Variants in UNC5CL observed in about 807,000 individuals in gnomAD.
UNC5CL encodes the protein unc-5 family C-terminal like.
In UNC5CL, 42 loss-of-function variants were observed where a neutral mutation model predicts 54.1. The observed-to-expected ratio is 0.78, with a 90% CI of 0.61 to 1.00. UNC5CL has a LOEUF of 1.00. UNC5CL is among the 50% of genes least tolerant of loss of function. The pLI is 0.00. For synonymous variants in UNC5CL, 285 were observed against 285.1 expected (o/e 1.00, Z 0.00); for missense variants, 619 against 675.6 (o/e 0.92, Z 0.93).
rs1762431847 is a variant in UNC5CL, at chr6:41,029,798, T to C, written c.1334+590A>G. ...TTGCAGTGAGCCAAGATTGCGCCATTGCACTCCAGCCTGGGCGACAGAGCA... is the reference window on the plus strand; with the variant it reads ...TTGCAGTGAGCCAAGATTGCGCCATCGCACTCCAGCCTGGGCGACAGAGCA... On this transcript the variant is annotated intron_variant, in intron 8 of 8. Transcript: ENST00000244565. The surrounding 1 kb of genome is among the most constrained non-coding windows in gnomAD (Gnocchi z 4.1). Among the ~76,000 whole-genome samples, 1 of 152,154 alleles carries C rather than the reference T, an allele frequency of 6.6e-6. No homozygotes were observed. Among genetic ancestry groups the C allele is most frequent in the Non-Finnish European group, 1.5e-5 (1 of 68,022 alleles).
Position 41,034,782 on chromosome 6 carries a change from T to C in UNC5CL, c.293A>G (p.His98Arg). Residue 98 changes from histidine to arginine, a missense_variant, in exon 2 of 9, where the codon CAC (histidine) becomes CGC (arginine). Physicochemically the swap from His to Arg is conservative, Grantham distance 29. Transcript: ENST00000244565. ...QGQTMVRQLMHKLLVFSAREV... is the reference protein window; with the variant it reads ...QGQTMVRQLMRKLLVFSAREV... ...TCGAGCCGAAAACACCAACAGTTTGTGCATCAACTGGCGGACCATGGTCTG... is the reference window on the plus strand; with the variant it reads ...TCGAGCCGAAAACACCAACAGTTTGCGCATCAACTGGCGGACCATGGTCTG... 1 of 1,614,148 alleles carries C rather than the reference T, an allele frequency of 6.2e-7. No individual in the cohort carries two copies. The highest frequency in any genetic ancestry group is 8.5e-7 in the Non-Finnish European group (1 of 1,180,034).
rs77622983 is a variant in UNC5CL at position 41,033,911 on chromosome 6, T to C, written c.656A>G (p.Asp219Gly). The change falls in exon 3 of 9, where the codon GAT becomes GGT. Residue 219 changes from aspartate (D) to glycine (G), a missense_variant. Coordinates refer to ENST00000244565, the MANE Select transcript of UNC5CL (RefSeq NM_173561.3). ...GTGGGAGAGGTGGATGCGACACTCATCCCGGGAGGCGTGGGCCCCCGGCCG... is the reference window on the plus strand; with the variant it reads ...GTGGGAGAGGTGGATGCGACACTCACCCCGGGAGGCGTGGGCCCCCGGCCG... Reference protein sequence around the residue: ...LGRPGAHASRDECRIHLSHFS... With the variant: ...LGRPGAHASRGECRIHLSHFS... The C allele has an allele frequency of 6.2e-7, 1 of 1,613,722 alleles. No individual in the cohort carries two copies. Among genetic ancestry groups the C allele is most frequent in the Non-Finnish European group, 8.5e-7 (1 of 1,179,840 alleles).
At position 41,028,267 on chromosome 6, in the gene UNC5CL, G is replaced by A. The variant is rs1762411344; in HGVS notation, c.*106C>T. ...GGCCCTGGCACCGTCCGAGGGTTCT[G>A]GGAAGGGTGGTGGGCACAGCCAGGA... is the stretch of plus-strand genomic sequence containing the variant. On this transcript the variant is annotated 3_prime_UTR_variant, in exon 9 of 9. Transcript: ENST00000244565. The surrounding 1 kb of genome is among the most constrained non-coding windows in gnomAD (Gnocchi z 4.3). 5 of 1,229,376 alleles carry A rather than the reference G, an allele frequency of 4.1e-6. 1 individual carries two copies. The highest frequency in any genetic ancestry group is 3.1e-5 in the South Asian group (2 of 64,274). The allele number at this position is 1,229,376 out of a possible 1,614,324, so 76.2% of individuals were successfully genotyped here. A position where few individuals can be genotyped will look rare whatever the true frequency, so the allele number is the denominator to read the frequency against.
Position 41,034,707 on chromosome 6 carries a change from G to A in UNC5CL, c.368C>T (p.Ser123Phe), listed in dbSNP as rs1449503550. Residue 123 changes from serine to phenylalanine, a missense_variant, in exon 2 of 9, where the codon TCC becomes TTC. Ser to Phe is a radical substitution (Grantham distance 155, BLOSUM62 -2). Coordinates refer to ENST00000244565, the MANE Select transcript of UNC5CL (RefSeq NM_173561.3). Reference sequence around the variant, plus strand: ...GCTGTTACCTGGTGGGATGAGCAAGGAGATGCCTGTATCCTGGAGCATCAG... The same window carrying A: ...GCTGTTACCTGGTGGGATGAGCAAGAAGATGCCTGTATCCTGGAGCATCAG... ...GCLMLQDTGI[S>F]LLIPPGAVAV... The A allele has an allele frequency of 6.2e-7, 1 of 1,603,660 alleles. No individual in the cohort carries two copies. Among genetic ancestry groups the A allele is most frequent in the African/African-American group, 1.3e-5 (1 of 74,916 alleles).
chr6:41,033,496 G>A (rs1762480922), intron 3 of UNC5CL: 1 of 489,618 alleles, frequency 2.0e-6, no homozygotes, highest in African/African-American at 1.9e-5. Flanking sequence ...AGAGAAGAAG[G>A]ACAGAGATGG....
Position 41,033,064 on chromosome 6 carries a change from C to A in UNC5CL, c.769G>T (p.Val257Leu), listed in dbSNP as rs776456386. Residue 257 changes from valine (V) to leucine (L), a missense_variant, in exon 4 of 9, where the codon GTG becomes TTG. By Grantham distance (32) the Val-to-Leu change is conservative. Transcript: ENST00000244565. ...LQLAVFCSPLVPGQSHLQLRI... is the reference protein window; with the variant it reads ...LQLAVFCSPLLPGQSHLQLRI... Reference sequence around the variant, plus strand: ...AGTTGCAGATGGGACTGTCCTGGCACCAGCGGTGAGCAGAATACGGCCAGC... The same window carrying A: ...AGTTGCAGATGGGACTGTCCTGGCAACAGCGGTGAGCAGAATACGGCCAGC... 2 of 1,613,136 alleles carry A rather than the reference C, an allele frequency of 1.2e-6. No homozygotes were observed. Among genetic ancestry groups the A allele is most frequent in the Non-Finnish European group, 1.7e-6 (2 of 1,179,608 alleles).
Position 41,039,169 on chromosome 6 carries a change from G to A in UNC5CL, c.-69C>T, listed in dbSNP as rs1048472097. 2 of 152,240 alleles carry A rather than the reference G, an allele frequency of 1.3e-5. No homozygotes were observed. The highest frequency in any genetic ancestry group is 2.9e-5 in the Non-Finnish European group (2 of 68,086). 9.4% of individuals were successfully genotyped at this position (152,240 alleles called of 1,614,324 possible). On this transcript the variant is annotated 5_prime_UTR_variant, in exon 1 of 9. Transcript: ENST00000244565. ...AGGGGGTGCTCAACTTACCGTCTAG[G>A]AGCTCTTAGAGGCTGCTGGCTGGTC...
At chr6:41,030,530 A>G in intron 7 of UNC5CL, 29 bp from the exon 8 acceptor site, 2 of 1,613,612 alleles carry the variant, frequency 1.2e-6, no homozygotes, top group Non-Finnish European at 1.7e-6. Context: ...TGTTCTTGGA[A>G]GAAAGGGACA....
rs1164548790 is a variant in UNC5CL, at chr6:41,032,201, G to A, written c.950-64C>T. On this transcript the variant is annotated intron_variant, in intron 4 of 8. Transcript: ENST00000244565. Reference sequence around the variant, plus strand: ...GGGCCTTAAACAAGTATTGAAGGGGGCTGTGGGGAGGCATGAGGACAGAAC... The same window carrying A: ...GGGCCTTAAACAAGTATTGAAGGGGACTGTGGGGAGGCATGAGGACAGAAC... 4 of 1,347,998 alleles carry A rather than the reference G, an allele frequency of 3.0e-6. No individual in the cohort carries two copies. In the South Asian group the frequency reaches 4.8e-5, roughly 16 times the overall value. 83.5% of individuals were successfully genotyped at this position (1,347,998 alleles called of 1,614,324 possible). A position where few individuals can be genotyped will look rare whatever the true frequency, so the allele number is the denominator to read the frequency against.
In UNC5CL at chr6:41,030,388, C is replaced by G; in HGVS notation, c.1334G>C (p.Arg445Pro). 1.2e-6 allele frequency: 2 copies of G among 1,613,974 alleles called. No homozygotes were observed. The highest frequency in any genetic ancestry group is 1.7e-6 in the Non-Finnish European group (2 of 1,179,884). ...SHLGLCGMKI[R>P]FLSCQRSPAA... ...CCACAGACCTCACCCCTCTTCCTAC[C>G]GGATCTTCATGCCGCAAAGCCCCAG... The change falls in exon 8 of 9, where the codon CGG becomes CCG. Residue 445 changes from arginine (R) to proline (P), a missense_variant and splice_region_variant. Arg to Pro is a moderately radical substitution (Grantham distance 103, BLOSUM62 -2). Transcript: ENST00000244565.
At chr6:41,032,323 C>T (rs748510639) in intron 4 of UNC5CL, among the ~76,000 whole-genome samples, 186 bp from the exon 5 acceptor site, 15 of 152,230 alleles carry the variant, frequency 9.9e-5, no homozygotes, top group African/African-American at 3.6e-4. Flanking sequence ...TCCTTTCCTG[C>T]TTCTGTGGGG....
Position 41,028,675 on chromosome 6 carries a change from G to A in UNC5CL, c.1335-80C>T. The stretch of plus-strand genomic sequence containing the variant: ...CCCTGCTGCAGGCTCCCTGGGCTGC[G>A]CAGCGCAAGGTCCGTCCCTTCCCCA... On this transcript the variant is annotated intron_variant, in intron 8 of 8. Coordinates refer to ENST00000244565, the MANE Select transcript of UNC5CL (RefSeq NM_173561.3). The surrounding 1 kb of genome is among the most constrained non-coding windows in gnomAD (Gnocchi z 4.3). 2 of 1,369,858 alleles carry A rather than the reference G, an allele frequency of 1.5e-6. No individual in the cohort carries two copies. Among genetic ancestry groups the A allele is most frequent in the South Asian group, 1.3e-5 (1 of 78,462 alleles). The allele number at this position is 1,369,858 out of a possible 1,614,324, so 84.9% of individuals were successfully genotyped here. A position where few individuals can be genotyped will look rare whatever the true frequency, so the allele number is the denominator to read the frequency against.
Position 41,030,690 on chromosome 6 carries a change from C to T in UNC5CL, c.1185G>A (p.Ala395=), listed in dbSNP as rs778107118. 1.1e-5 allele frequency: 18 copies of T among 1,614,054 alleles called. No individual in the cohort carries two copies. The highest frequency in any genetic ancestry group is 1.7e-4 in the Middle Eastern group (1 of 6,050). Residue 395 remains alanine (A), a synonymous_variant, in exon 7 of 9, where the codon GCG becomes GCA. Transcript: ENST00000244565. ...FQASEEESWA[A]PPPVSQPPPC... ...GGGGCGGCTGGGAAACAGGTGGTGG[C>T]GCTGCCCAGGATTCCTCCTCTGATG... is the stretch of plus-strand genomic sequence containing the variant.
chr6:41,027,494 G>C lies in UNC5CL; in HGVS notation c.*879C>G, dbSNP rs534644323. On this transcript the variant is annotated 3_prime_UTR_variant, in exon 9 of 9. Transcript: ENST00000244565. The stretch of plus-strand genomic sequence containing the variant: ...CCATTGGAGATAAAGAGATAAAAGG[G>C]CTGGGCCAGAATGATCATCTTGAAG... 14 of 152,362 alleles carry C rather than the reference G, an allele frequency of 9.2e-5. No homozygotes were observed. The East Asian group carries it at 2.7e-3, about 29-fold the overall frequency. 9.4% of individuals were successfully genotyped at this position (152,362 alleles called of 1,614,324 possible).
In UNC5CL at chr6:41,030,689, G is replaced by T; in HGVS notation, c.1186C>A (p.Pro396Thr). ...GGGGGCGGCTGGGAAACAGGTGGTGGCGCTGCCCAGGATTCCTCCTCTGAT... is the reference window on the plus strand; with the variant it reads ...GGGGGCGGCTGGGAAACAGGTGGTGTCGCTGCCCAGGATTCCTCCTCTGAT... The part of the protein sequence containing the change: ...QASEEESWAA[P>T]PPVSQPPPCN... The change falls in exon 7 of 9, where the codon CCA becomes ACA. Residue 396 changes from proline to threonine, a missense_variant. Physicochemically the swap from Pro to Thr is conservative, Grantham distance 38 (BLOSUM62 -1). Transcript: ENST00000244565. The T allele has an allele frequency of 1.9e-6, 3 of 1,614,084 alleles. No homozygotes were observed. The highest frequency in any genetic ancestry group is 2.5e-6 in the Non-Finnish European group (3 of 1,179,994).
Position 41,034,768 on chromosome 6 carries a change from A to C in UNC5CL, c.307T>G (p.Phe103Val). 1 of 1,613,824 alleles carries C rather than the reference A, an allele frequency of 6.2e-7. No homozygotes were observed. The highest frequency in any genetic ancestry group is 8.5e-7 in the Non-Finnish European group (1 of 1,180,030). Residue 103 changes from phenylalanine (F) to valine (V), a missense_variant, in exon 2 of 9, where the codon TTT (phenylalanine) becomes GTT (valine). Physicochemically the swap from Phe to Val is conservative, Grantham distance 50. Transcript: ENST00000244565. Reference protein sequence around the residue: ...VRQLMHKLLVFSAREVDHRGG... With the variant: ...VRQLMHKLLVVSAREVDHRGG... ...CGGTGATCCACCTCTCGAGCCGAAA[A>C]CACCAACAGTTTGTGCATCAACTGG...
At chr6:41,032,450 T>C (rs1005691992) in intron 4 of UNC5CL, among the ~76,000 whole-genome samples, 4 of 152,228 alleles carry the variant, frequency 2.6e-5, no homozygotes, top group African/African-American at 9.6e-5. Context: ...AGGCTACTGC[T>C]GGCCCAGAGG....
Position 41,031,934 on chromosome 6 carries a change from C to T in UNC5CL, c.1051+102G>A, listed in dbSNP as rs371101561. 10 of 1,317,000 alleles carry T rather than the reference C, an allele frequency of 7.6e-6. No individual in the cohort carries two copies. The South Asian group carries it at 9.9e-5, about 13-fold the overall frequency. The allele number at this position is 1,317,000 out of a possible 1,614,324, so 81.6% of individuals were successfully genotyped here. On this transcript the variant is annotated intron_variant, in intron 5 of 8. Transcript: ENST00000244565. Reference sequence around the variant, plus strand: ...TTTCAGGGAAGGTCTGTGTGCATGGCTGCATGGGGGTCTGCAGAGCTCCAG... The same window carrying T: ...TTTCAGGGAAGGTCTGTGTGCATGGTTGCATGGGGGTCTGCAGAGCTCCAG...
chr6:41,028,466 C>T lies in UNC5CL; in HGVS notation c.1464G>A (p.Gln488=), dbSNP rs1286883003. The change falls in exon 9 of 9, where the codon CAG becomes CAA. Residue 488 remains glutamine, a synonymous_variant. Coordinates refer to ENST00000244565, the MANE Select transcript of UNC5CL (RefSeq NM_173561.3). This position sits in a 1 kb window ranked among gnomAD's most constrained non-coding sequence, Gnocchi z 4.3. ...CGCCGTGTGTCCCACTCAGGTAGTT[C>T]TGGATGGCGGAGGCGCAGTCTAGCC... is the stretch of plus-strand genomic sequence containing the variant. The part of the protein sequence containing the change: ...MERLDCASAI[Q]NYLSGTHGGS... 1 of 1,613,704 alleles carries T rather than the reference C, an allele frequency of 6.2e-7. No individual in the cohort carries two copies. The highest frequency in any genetic ancestry group is 8.5e-7 in the Non-Finnish European group (1 of 1,179,994).
Sources: gnomAD v4.1 joint callset for allele counts (sites outside exome capture counted in the v4.1 genomes callset) on GRCh38, gnomAD v4.1.1 for gene constraint, Gnocchi (gnomAD v3.1) non-coding constraint, MANE v1.5 for transcripts, NCBI Gene and HGNC (gene_info 2026-07-23, HGNC 2026-07-21) for gene names.